The following GRM4 variants were observed in gnomAD, a reference collection of about 807,000 sequenced individuals.
GRM4 encodes the protein glutamate metabotropic receptor 4, also known as metabotropic glutamate receptor 4.
GRM4 carries 28 observed loss-of-function variants against 81.7 expected under a neutral mutation model. The observed-to-expected ratio is 0.34, with a 90% confidence interval of 0.25 to 0.47. GRM4 has a LOEUF of 0.47. Among genes scored for constraint, GRM4 ranks in the 20% least tolerant of loss-of-function variants. GRM4 has a pLI of 1.00. For missense variants in GRM4, 948 were observed against 1,290.0 expected, an observed-to-expected ratio of 0.73 and a Z score of 4.06; for synonymous variants, 488 against 528.8, an observed-to-expected ratio of 0.92 and a Z score of 1.06.
chr6:34,074,830 C>T lies in GRM4; in HGVS notation c.737-12802G>A, dbSNP rs2499692. ...CAGGAGGGGCCTGGATGGGGCAGGA[C>T]ACAAAGAGATGGCTGGTTCCTGGCC... On this transcript the variant is annotated intron_variant, in intron 3 of 10. Coordinates refer to ENST00000538487, the MANE Select transcript of GRM4 (RefSeq NM_000841.4). The surrounding 1 kb of genome is among the most constrained non-coding windows in gnomAD (Gnocchi z 4.9). Among the ~76,000 whole-genome samples the T allele has an allele frequency of 0.082, 12,441 of 152,154 alleles. 1,078 individuals carry two copies. Among genetic ancestry groups the T allele is most frequent in the African/African-American group, 0.21 (8,703 of 41,442 alleles).
chr6:34,028,214 C>A lies in GRM4; in HGVS notation c.2595G>T (p.Thr865=), dbSNP rs755981862. Residue 865 remains threonine, a synonymous_variant, in exon 10 of 11, where the codon ACG becomes ACT. Transcript: ENST00000538487. ...KRKRSLKAVV[T]AATMSNKFTQ... ...TGAACTTGTTGGACATGGTGGCCGC[C>A]GTAACGACGGCTTTGAGGCTGCGCT... 2 of 1,614,078 alleles carry A rather than the reference C, an allele frequency of 1.2e-6. No homozygotes were observed. The highest frequency in any genetic ancestry group is 2.2e-5 in the East Asian group (1 of 44,876).
chr6:34,155,098 A>AGGCAGCGGG, exon 1 of GRM4: 1 of 1,525,984 alleles, frequency 6.6e-7, no homozygotes, highest in South Asian at 1.2e-5. Flanking sequence ...TTCCGGAAGG[A>AGGCAGCGGG]GGCAGCGGGG....
At chr6:34,125,956 T>C (rs1292841485) in intron 2 of GRM4, among the ~76,000 whole-genome samples, 1 of 152,196 alleles carries the variant, frequency 6.6e-6, no homozygotes, top group African/African-American at 2.4e-5. Context: ...ATCTATTGAA[T>C]CCTATTCTGT....
At chr6:34,148,729 G>GC (rs960153921), upstream of GRM4, among the ~76,000 whole-genome samples, 8 of 152,202 alleles carry the variant, frequency 5.3e-5, no homozygotes, top group Non-Finnish European at 4.4e-5. Flanking sequence ...ACGTGGGGGA[G>GC]CCCCCCAGCC....
chr6:34,148,473 C>T (rs558675127), upstream of GRM4, among the ~76,000 whole-genome samples: 3 of 152,178 alleles, frequency 2.0e-5, no homozygotes, highest in East Asian at 1.9e-4. Flanking sequence ...CTTCCAGTGG[C>T]GTCCCCTGCC....
chr6:34,046,079 C>A (rs1385486771), intron 6 of GRM4, among the ~76,000 whole-genome samples: 1 of 152,200 alleles, frequency 6.6e-6, no homozygotes, highest in East Asian at 1.9e-4. Flanking sequence ...CGTCTCCCCC[C>A]TCACTTCTCC....
At chr6:34,067,466 T>TTCCC (rs1306440778) in intron 3 of GRM4, among the ~76,000 whole-genome samples, 2 of 108,928 alleles carry the variant, frequency 1.8e-5, no homozygotes, top group African/African-American at 7.7e-5. Flanking sequence ...CCCTCCGTCC[T>TTCCC]TCCCTCCCTC....
At chr6:34,073,137 AC>A (rs1368421399) in intron 3 of GRM4, among the ~76,000 whole-genome samples, 1 of 130,410 alleles carries the variant, frequency 7.7e-6, no homozygotes, top group Non-Finnish European at 1.6e-5. Context: ...CACCACACAC[AC>A]ACACACACAT....
chr6:34,135,939 A>T (rs1452942915), intron 1 of GRM4, among the ~76,000 whole-genome samples: 1 of 152,218 alleles, frequency 6.6e-6, no homozygotes, highest in Non-Finnish European at 1.5e-5. Flanking sequence ...ACAAATTTTC[A>T]GTTGTTGCAA....
At chr6:34,100,128 G>A (rs975692608) in intron 2 of GRM4, 6 of 771,532 alleles carry the variant, frequency 7.8e-6, no homozygotes, top group African/African-American at 1.9e-5. Context: ...CTGGCAGGCC[G>A]GCCTGTGCTC....
intron 4 of GRM4, 29 bp downstream of exon 4, chr6:34,061,864 G>C (rs565419904): frequency 6.3e-7 from 1 of 1,599,272 alleles, no homozygotes; most frequent in East Asian, 2.2e-5. Context: ...ATGGCTCCCG[G>C]TGCCCACCCT....
rs554351060 is a variant in GRM4 at position 34,091,574 on chromosome 6, C to G, written c.736+309G>C. On this transcript the variant is annotated intron_variant, in intron 3 of 10. Transcript: ENST00000538487. ...TCTAAACAAGGCCCCTCGTCCCCAC[C>G]CCATCCCTTCCTCTGCTGTGAGGAG... 11 of 370,918 alleles carry G rather than the reference C, an allele frequency of 3.0e-5. No individual in the cohort carries two copies. In the East Asian group the frequency reaches 3.4e-4, roughly 11 times the overall value. 23.0% of individuals were successfully genotyped at this position (370,918 alleles called of 1,614,324 possible).
At chr6:34,131,018 A>G (rs1490670434) in intron 2 of GRM4, among the ~76,000 whole-genome samples, 1 of 152,192 alleles carries the variant, frequency 6.6e-6, no homozygotes. Context: ...CTCAGCTCCC[A>G]GGCCAGGGCC....
At chr6:34,071,577 C>CACACAA (rs1766859245) in intron 3 of GRM4, among the ~76,000 whole-genome samples, 2 of 3,762 alleles carry the variant, frequency 5.3e-4, no homozygotes, top group African/African-American at 2.0e-3. Flanking sequence ...ACCACACACA[C>CACACAA]ACACACATCA....
At chr6:34,044,861 C>G (rs1050244483) in intron 6 of GRM4, among the ~76,000 whole-genome samples, 18 of 148,890 alleles carry the variant, frequency 1.2e-4, no homozygotes, top group Admixed American at 6.6e-4. Flanking sequence ...GACACACACA[C>G]AGACATACAT....
intron 1 of GRM4, 60 bp downstream of exon 1, chr6:34,145,940 G>A (rs1770913849): frequency 2.3e-6 from 2 of 887,422 alleles, no homozygotes; most frequent in Non-Finnish European, 1.3e-6. Context: ...ACACCCCACC[G>A]GCGCCCTCTT....
At chr6:34,110,626 C>T (rs1478834526) in intron 2 of GRM4, 2 of 983,100 alleles carry the variant, frequency 2.0e-6, no homozygotes, top group South Asian at 1.4e-5. Flanking sequence ...AGCCCTGCTC[C>T]CTACCCCCTT....
chr6:34,065,533 C>A (rs1291743031), intron 3 of GRM4, among the ~76,000 whole-genome samples: 1 of 152,174 alleles, frequency 6.6e-6, no homozygotes, highest in African/African-American at 2.4e-5. Flanking sequence ...GAGGGGGACA[C>A]ACATGAAGAA....
chr6:34,145,514 G>A (rs1028369738), intron 1 of GRM4, among the ~76,000 whole-genome samples: 1 of 152,242 alleles, frequency 6.6e-6, no homozygotes, highest in African/African-American at 2.4e-5. Flanking sequence ...CCGAGGTACG[G>A]GCGCCTGGCG....
Sources: gnomAD v4.1 joint callset for allele counts (sites outside exome capture counted in the v4.1 genomes callset) on GRCh38, gnomAD v4.1.1 for gene constraint, Gnocchi (gnomAD v3.1) non-coding constraint, MANE v1.5 for transcripts, NCBI Gene and HGNC (gene_info 2026-07-23, HGNC 2026-07-21) for gene names.